The following TFEC variants were observed in gnomAD, a reference collection of about 807,000 sequenced individuals.
TFEC encodes the protein transcription factor EC, also known as class E basic helix-loop-helix protein 34.
A neutral mutation model predicts 41.6 loss-of-function variants in TFEC; 31 were observed. That is an observed-to-expected ratio of 0.74 (90% confidence interval 0.56 to 1.01). The LOEUF is 1.01. TFEC is among the 50% of genes least tolerant of loss of function. TFEC has a pLI of 0.00. For synonymous variants in TFEC, 143 were observed against 140.6 expected, an observed-to-expected ratio of 1.02 and a Z score of -0.12; for missense variants, 402 against 404.1, an observed-to-expected ratio of 0.99 and a Z score of 0.04.
At chr7:116,041,653 T>G (rs1466927030) in intron 3 of TFEC, among the ~76,000 whole-genome samples, 1 of 152,178 alleles carries the variant, frequency 6.6e-6, no homozygotes, top group Non-Finnish European at 1.5e-5. Context: ...CTCCTGTGTA[T>G]AGATCTTGCT....
At chr7:116,025,813 C>T (rs1249230900) in intron 1 of TFEC, among the ~76,000 whole-genome samples, 5 of 152,144 alleles carry the variant, frequency 3.3e-5, no homozygotes, top group South Asian at 4.1e-4. Flanking sequence ...AGTAGTACAT[C>T]ACCTTCAATT....
chr7:115,976,404 G>A (rs1212227585), intron 2 of TFEC, among the ~76,000 whole-genome samples: 1 of 152,094 alleles, frequency 6.6e-6, no homozygotes, highest in Admixed American at 6.6e-5. Flanking sequence ...CAGCCCAGGT[G>A]ACAGAGTGAG....
rs573756293 is a variant in TFEC at position 115,980,265 on chromosome 7, G to T, written c.180+3997C>A. Among the ~76,000 whole-genome samples the T allele has an allele frequency of 4.6e-5, 7 of 152,122 alleles. 1 individual carries two copies. The South Asian group carries it at 1.2e-3, about 27-fold the overall frequency. ...CATTCTCCTAGCTTCTCTCTCTACTGTCCATCTGGTTTGAGGGCCTGAGAG... is the reference window on the plus strand; with the variant it reads ...CATTCTCCTAGCTTCTCTCTCTACTTTCCATCTGGTTTGAGGGCCTGAGAG... On this transcript the variant is annotated intron_variant, in intron 2 of 7. Transcript: ENST00000265440.
chr7:116,127,990 A>G (rs1322856769), intron 1 of TFEC, among the ~76,000 whole-genome samples: 1 of 152,196 alleles, frequency 6.6e-6, no homozygotes, highest in Non-Finnish European at 1.5e-5. Context: ...TAAATATACT[A>G]CTAAAGCCAG....
rs1422767179 is a variant in TFEC, at chr7:116,005,806, C to CA, written c.-72-21294dup. Among the ~76,000 whole-genome samples the CA allele has an allele frequency of 3.3e-5, 5 of 152,304 alleles. 1 individual carries two copies. Among genetic ancestry groups the CA allele is most frequent in the African/African-American group, 9.6e-5 (4 of 41,574 alleles). On this transcript the variant is annotated intron_variant, in intron 1 of 7. Transcript: ENST00000265440. ...GAAGCAGCCTCTACTATCACAAGCT[C>CA]AGAGGTTTCTGAGGAAAAAATGGTT...
chr7:116,005,136 T>A (rs1162151415), intron 1 of TFEC, among the ~76,000 whole-genome samples: 1 of 152,222 alleles, frequency 6.6e-6, no homozygotes, highest in Non-Finnish European at 1.5e-5. Context: ...GTCTGAGGTA[T>A]GTCTTTATCA....
chr7:115,956,833 C>A (rs372703549), intron 3 of TFEC, 40 bp from the exon 4 acceptor site: 35 of 1,318,840 alleles, frequency 2.7e-5, no homozygotes, highest in Non-Finnish European at 3.7e-5. Flanking sequence ...TAAAAACCTT[C>A]TGTGCAAATT....
At chr7:115,971,128 T>G (rs1275699002) in intron 3 of TFEC, among the ~76,000 whole-genome samples, 1 of 152,052 alleles carries the variant, frequency 6.6e-6, no homozygotes, top group Non-Finnish European at 1.5e-5. Flanking sequence ...GTTCTCACTC[T>G]TAGTCTGGGC....
In TFEC at chr7:116,153,429, A is replaced by G. The variant is rs191163869; in HGVS notation, c.-69+6361T>C. Among the ~76,000 whole-genome samples, 16 of 152,128 alleles carry G rather than the reference A, an allele frequency of 1.1e-4. No homozygotes were observed. The East Asian group carries it at 2.9e-3, about 28-fold the overall frequency. On this transcript the variant is annotated intron_variant, in intron 1 of 8. Transcript: ENST00000484212. ...GCCACCATGTCCGGCTAATTTTTGT[A>G]TTTTTAGTAGAGACGGGTTTTTACC...
chr7:116,081,545 C>G (rs962592318), intron 3 of TFEC, among the ~76,000 whole-genome samples: 1 of 152,018 alleles, frequency 6.6e-6, no homozygotes, highest in East Asian at 1.9e-4. Flanking sequence ...TAAAAAGTTA[C>G]AGCAGCTTTC....
chr7:116,104,431 A>G (rs1020158600), intron 3 of TFEC, among the ~76,000 whole-genome samples: 1 of 152,174 alleles, frequency 6.6e-6, no homozygotes, highest in African/African-American at 2.4e-5. Flanking sequence ...GGTGTTGATC[A>G]AAATGCTTAT....
intron 3 of TFEC, among the ~76,000 whole-genome samples, chr7:116,088,170 G>T (rs1465798738): frequency 2.0e-5 from 3 of 152,024 alleles, no homozygotes; most frequent in Non-Finnish European, 4.4e-5. Context: ...CAGCCTAGGG[G>T]ATAACTTGCT....
intron 6 of TFEC, among the ~76,000 whole-genome samples, chr7:115,943,441 C>A (rs1793611428): frequency 1.3e-5 from 2 of 151,824 alleles, no homozygotes; most frequent in African/African-American, 2.4e-5. Context: ...AAAAAGATAA[C>A]CCTAGCCATA....
At chr7:115,962,635 T>C (rs535329031) in intron 3 of TFEC, among the ~76,000 whole-genome samples, 68 of 151,896 alleles carry the variant, frequency 4.5e-4, no homozygotes, top group African/African-American at 1.6e-3. Context: ...CTGGCTATCA[T>C]CATGCAAAAG....
chr7:116,062,575 A>ATATATATATG (rs2130994203), intron 3 of TFEC, among the ~76,000 whole-genome samples: 1 of 74,426 alleles, frequency 1.3e-5, no homozygotes, highest in African/African-American at 5.2e-5. Context: ...ATATATATAT[A>ATATATATATG]TATATATATA....
intron 3 of TFEC, among the ~76,000 whole-genome samples, chr7:116,048,720 G>A (rs1796232742): frequency 1.3e-5 from 2 of 152,250 alleles, no homozygotes; most frequent in African/African-American, 2.4e-5. Flanking sequence ...AATGTTAAGG[G>A]CAATCAGAGA....
In TFEC at chr7:115,950,898, G is replaced by C; in HGVS notation, c.491C>G (p.Thr164Ser). 1 of 1,604,660 alleles carries C rather than the reference G, an allele frequency of 6.2e-7. No homozygotes were observed. The highest frequency in any genetic ancestry group is 8.5e-7 in the Non-Finnish European group (1 of 1,174,872). Reference sequence around the variant, plus strand: ...CGGATCATTAGACTTTGGAATAAGAGTGCCAAGCTCCTTGATTCGGTAATT... The same window carrying C: ...CGGATCATTAGACTTTGGAATAAGACTGCCAAGCTCCTTGATTCGGTAATT... ...NINYRIKELG[T>S]LIPKSNDPDM... Residue 164 changes from threonine (T) to serine (S), a missense_variant, in exon 6 of 8, where the codon ACT becomes AGT. Transcript: ENST00000265440.
At chr7:116,077,484 G>T (rs1796986034) in intron 3 of TFEC, among the ~76,000 whole-genome samples, 1 of 152,102 alleles carries the variant, frequency 6.6e-6, no homozygotes, top group Non-Finnish European at 1.5e-5. Flanking sequence ...CAGAATGGCT[G>T]AACGGATAAG....
At chr7:115,990,307 A>C (rs1364968379) in intron 1 of TFEC, among the ~76,000 whole-genome samples, 2 of 152,202 alleles carry the variant, frequency 1.3e-5, no homozygotes, top group African/African-American at 4.8e-5. Flanking sequence ...AAATTCTAAA[A>C]TCAGAGCGCT....
Sources: allele counts gnomAD v4.1 joint callset (sites outside exome capture counted in the v4.1 genomes callset), GRCh38; gene constraint gnomAD v4.1.1; transcripts MANE v1.5; gene names NCBI Gene and HGNC (gene_info 2026-07-23, HGNC 2026-07-21).